Variants in MAEA observed in about 807,000 individuals in gnomAD.
MAEA encodes macrophage erythroblast attacher, E3 ubiquitin ligase.
In MAEA, 22 loss-of-function variants were observed where a neutral mutation model predicts 46.2. The ratio of observed to expected loss-of-function variants is 0.48; its 90% CI spans 0.34 to 0.68. The LOEUF (loss-of-function observed/expected upper bound fraction) is 0.68, where lower values mean the gene tolerates loss of function less well. MAEA is among the 30% of genes least tolerant of loss of function. The pLI is 0.01. For synonymous variants in MAEA, 246 were observed against 222.6 expected (o/e 1.11, Z -0.94); for missense variants, 393 against 558.1 (o/e 0.70, Z 2.98).
At chr4:1,337,342 G>A (rs1439305363) in intron 7 of MAEA, 4 of 316,598 alleles carry the variant, frequency 1.3e-5, no homozygotes, top group African/African-American at 8.7e-5. Context: ...CCTTGCCTGT[G>A]ACTGACTCTG....
At chr4:1,333,935 CGTGCCCAT>C (rs1286116796) in intron 6 of MAEA, among the ~76,000 whole-genome samples, 2 of 61,792 alleles carry the variant, frequency 3.2e-5, no homozygotes, top group African/African-American at 1.4e-4. Context: ...TGCCCACTCC[CGTGCCCAT>C]GTGCCCACCC....
At position 1,289,952 on chromosome 4, in the gene MAEA, C is replaced by A. The variant is rs770583175; in HGVS notation, c.39C>A (p.Thr13=). ...AGTCGGCGGCTCAGTTGTCCATGAC[C>A]CTGAAGGTCCAGGAGTACCCGACCC... is the stretch of plus-strand genomic sequence containing the variant. ...VQESAAQLSM[T]LKVQEYPTLK... Residue 13 remains threonine (T), a synonymous_variant, in exon 1 of 9, where the codon ACC becomes ACA. Coordinates refer to ENST00000303400, the MANE Select transcript of MAEA (RefSeq NM_001017405.3). 3 of 1,601,510 alleles carry A rather than the reference C, an allele frequency of 1.9e-6. No individual in the cohort carries two copies. Among genetic ancestry groups the A allele is most frequent in the East Asian group, 2.3e-5 (1 of 44,138 alleles).
intron 1 of MAEA, among the ~76,000 whole-genome samples, chr4:1,298,641 C>T (rs1402256248): frequency 6.6e-6 from 1 of 152,184 alleles, no homozygotes; most frequent in Non-Finnish European, 1.5e-5. Context: ...ACACAGCTCA[C>T]CCCCTCGGGC....
At chr4:1,301,141 C>T (rs772731396) in intron 1 of MAEA, among the ~76,000 whole-genome samples, 3 of 152,238 alleles carry the variant, frequency 2.0e-5, no homozygotes, top group African/African-American at 7.2e-5. Flanking sequence ...CCTTCCCGTG[C>T]TGGTGAAAAC....
intron 4 of MAEA, among the ~76,000 whole-genome samples, chr4:1,327,397 A>C (rs1738983443): frequency 6.6e-6 from 1 of 152,202 alleles, no homozygotes; most frequent in Non-Finnish European, 1.5e-5. Flanking sequence ...GCCCCACCGC[A>C]GCTGCAGGAG....
chr4:1,334,618 C>T (rs1235298790), intron 6 of MAEA, among the ~76,000 whole-genome samples: 1 of 152,240 alleles, frequency 6.6e-6, no homozygotes, highest in African/African-American at 2.4e-5. Context: ...CCGGACGCAG[C>T]CCTGCAGTGT....
intron 1 of MAEA, among the ~76,000 whole-genome samples, chr4:1,296,656 T>C (rs1421408648): frequency 2.0e-5 from 3 of 150,552 alleles, no homozygotes; most frequent in Admixed American, 2.0e-4. Flanking sequence ...CCCGTCCTCC[T>C]CCAGCTACTA....
intron 5 of MAEA, chr4:1,329,514 C>T (rs1427153822): frequency 1.2e-5 from 12 of 985,186 alleles, no homozygotes; most frequent in Non-Finnish European, 1.4e-5. Flanking sequence ...CTCGAAGCCT[C>T]AGCAGCCAGC....
intron 6 of MAEA, among the ~76,000 whole-genome samples, chr4:1,336,143 A>G (rs1712725522): frequency 6.6e-6 from 1 of 151,876 alleles, no homozygotes; most frequent in Admixed American, 6.6e-5. Flanking sequence ...TGTTGAAATC[A>G]GGGAGTTAGA....
In MAEA at chr4:1,332,581, G is replaced by A. The variant is rs1430062915; in HGVS notation, c.657-176G>A. 2 of 553,226 alleles carry A rather than the reference G, an allele frequency of 3.6e-6. 1 individual carries two copies. The highest frequency in any genetic ancestry group is 4.1e-5 in the South Asian group (2 of 48,778). 34.3% of individuals were successfully genotyped at this position (553,226 alleles called of 1,614,324 possible). ...ATGTTTTTTACATTAGCTAGGTGTG[G>A]TGCTGCACATCTGCGGTCTCAGCTT... On this transcript the variant is annotated intron_variant, in intron 5 of 8. Transcript: ENST00000303400.
intron 8 of MAEA, 125 bp downstream of exon 8, chr4:1,338,742 C>CGGGCAGGGCGGG (rs1713140565): frequency 3.4e-6 from 1 of 291,312 alleles, no homozygotes; most frequent in East Asian, 9.5e-5. Flanking sequence ...CTGTGTGGGA[C>CGGGCAGGGCGGG]GGGCAGGGCG....
intron 5 of MAEA, chr4:1,330,328 C>CTCTCTCTCTCTCTCTCTCT (rs1577226687): frequency 5.1e-4 from 81 of 159,404 alleles, no homozygotes; most frequent in African/African-American, 7.6e-4. Flanking sequence ...CTCTCTCTTT[C>CTCTCTCTCTCTCTCTCTCT]CGTGTGTGTG....
intron 3 of MAEA, among the ~76,000 whole-genome samples, chr4:1,317,619 C>T (rs954063734): frequency 3.3e-5 from 5 of 152,082 alleles, no homozygotes; most frequent in South Asian, 2.1e-4. Flanking sequence ...GCAGGGTGAG[C>T]GAGTGAGTCC....
intron 1 of MAEA, among the ~76,000 whole-genome samples, chr4:1,292,638 C>A (rs575328941): frequency 6.6e-6 from 1 of 152,110 alleles, no homozygotes; most frequent in Non-Finnish European, 1.5e-5. Flanking sequence ...AGCATGCCCC[C>A]AAAATGTCTT....
chr4:1,327,110 T>C (rs1738941611), intron 4 of MAEA, among the ~76,000 whole-genome samples: 1 of 152,106 alleles, frequency 6.6e-6, no homozygotes, highest in Admixed American at 6.5e-5. Context: ...ACCCGGGGCA[T>C]CAGCGCCTCG....
chr4:1,325,392 C>T (rs550313675), intron 4 of MAEA, among the ~76,000 whole-genome samples: 83 of 152,228 alleles, frequency 5.5e-4, no homozygotes, highest in Non-Finnish European at 9.9e-4. Flanking sequence ...CCGTATGGGA[C>T]AGTGTAGACT....
intron 1 of MAEA, among the ~76,000 whole-genome samples, chr4:1,303,600 G>A (rs60897436): frequency 0.15 from 23,313 of 151,876 alleles, 3,432 homozygotes; most frequent in East Asian, 0.41. Context: ...TCCACATCAC[G>A]TGTGATTCCA....
intron 5 of MAEA, chr4:1,329,357 AATCTGCC>A: frequency 1.0e-6 from 1 of 985,350 alleles, no homozygotes; most frequent in Non-Finnish European, 1.2e-6. Flanking sequence ...CTCTGGGTAG[AATCTGCC>A]CTAGAGACTC....
intron 1 of MAEA, among the ~76,000 whole-genome samples, chr4:1,297,499 C>T (rs565542318): frequency 1.0e-4 from 14 of 136,444 alleles, no homozygotes; most frequent in Admixed American, 2.1e-4. Context: ...AGAGAGCACG[C>T]GCTTGAGTGT....
Sources: allele counts gnomAD v4.1 joint callset (sites outside exome capture counted in the v4.1 genomes callset), GRCh38; gene constraint gnomAD v4.1.1; transcripts MANE v1.5; gene names NCBI Gene and HGNC (gene_info 2026-07-23, HGNC 2026-07-21).